CNTNAP2: variants seen among roughly 807,000 people sequenced by gnomAD.
CNTNAP2 encodes contactin associated protein 2, also known as contactin-associated protein-like 2.
Under a neutral mutation model 155.2 loss-of-function variants are expected in CNTNAP2, and 98 were observed. The ratio of observed to expected loss-of-function variants is 0.63; its 90% CI spans 0.54 to 0.75. The LOEUF is 0.75. Among genes scored for constraint, CNTNAP2 ranks in the 30% least tolerant of loss-of-function variants. CNTNAP2 has a pLI of 0.00. For synonymous variants in CNTNAP2, 651 were observed against 631.2 expected (o/e 1.03, Z -0.47); for missense variants, 1,727 against 1,688.1 (o/e 1.02, Z -0.40).
At position 147,971,727 on chromosome 7, in the gene CNTNAP2, C is replaced by A. The variant is rs375993418; in HGVS notation, c.2256-6135C>A. ...GCACTTGCGTGATTTCCACTTTGGG[C>A]CTCTTATGACTAAATCTGCTATAAA... On this transcript the variant is annotated intron_variant, in intron 14 of 23. Coordinates refer to ENST00000361727, the MANE Select transcript of CNTNAP2 (RefSeq NM_014141.6). Among the ~76,000 whole-genome samples, 7 of 152,272 alleles carry A rather than the reference C, an allele frequency of 4.6e-5. No homozygotes were observed. The South Asian group carries it at 1.2e-3, about 27-fold the overall frequency.
chr7:146,406,163 A>G (rs1795788776), intron 1 of CNTNAP2, among the ~76,000 whole-genome samples: 1 of 152,338 alleles, frequency 6.6e-6, no homozygotes, highest in Non-Finnish European at 1.5e-5. Flanking sequence ...GATATGCTTG[A>G]AAGTTCTCTC....
At chr7:147,409,654 G>C (rs1173789004) in intron 10 of CNTNAP2, among the ~76,000 whole-genome samples, 2 of 152,072 alleles carry the variant, frequency 1.3e-5, no homozygotes, top group African/African-American at 4.8e-5. Flanking sequence ...CTATGCATCT[G>C]ACAAAAGTCT....
chr7:148,314,197 A>G (rs1047054791), intron 21 of CNTNAP2, among the ~76,000 whole-genome samples: 3 of 152,108 alleles, frequency 2.0e-5, no homozygotes, highest in Non-Finnish European at 4.4e-5. Context: ...GGTTGGGACT[A>G]AGGGGACAGG....
intron 1 of CNTNAP2, among the ~76,000 whole-genome samples, chr7:146,292,655 G>A (rs1800450317): frequency 6.6e-6 from 1 of 152,158 alleles, no homozygotes; most frequent in South Asian, 2.1e-4. Context: ...TCAACATGTT[G>A]GAGAGATGTC....
chr7:146,952,604 A>C (rs1459141073), intron 3 of CNTNAP2, among the ~76,000 whole-genome samples: 1 of 152,160 alleles, frequency 6.6e-6, no homozygotes, highest in Non-Finnish European at 1.5e-5. Flanking sequence ...ATCAATGTGC[A>C]AAAATCACAA....
chr7:148,162,042 G>T (rs1439927529), intron 17 of CNTNAP2, among the ~76,000 whole-genome samples: 1 of 152,212 alleles, frequency 6.6e-6, no homozygotes, highest in Non-Finnish European at 1.5e-5. Flanking sequence ...TGAAGTCTGA[G>T]AGTGAAGAGA....
At chr7:147,860,105 G>A (rs1201731490) in intron 13 of CNTNAP2, among the ~76,000 whole-genome samples, 1 of 152,016 alleles carries the variant, frequency 6.6e-6, no homozygotes, top group Admixed American at 6.6e-5. Flanking sequence ...GATGGTGAGT[G>A]AGTTCTCACA....
rs558715906 is a variant in CNTNAP2 at position 147,978,856 on chromosome 7, C to G, written c.2383+867C>G. 3.1e-3 allele frequency among the ~76,000 whole-genome samples: 467 copies of G among 152,210 alleles called. 5 individuals carry two copies. Among genetic ancestry groups the G allele is most frequent in the Admixed American group, 9.2e-3 (140 of 15,296 alleles). On this transcript the variant is annotated intron_variant, in intron 15 of 23. Transcript: ENST00000361727. ...CCAAATAGCTGACTTGCCAGGAGACCTCAGGCAAACCCCTCCATTGTCTTA... is the reference window on the plus strand; with the variant it reads ...CCAAATAGCTGACTTGCCAGGAGACGTCAGGCAAACCCCTCCATTGTCTTA...
chr7:147,134,992 C>T (rs186060119), intron 8 of CNTNAP2, among the ~76,000 whole-genome samples: 1 of 152,014 alleles, frequency 6.6e-6, no homozygotes, highest in Admixed American at 6.6e-5. Context: ...CTCTCAGATA[C>T]TGTTAATATA....
chr7:148,259,162 A>G (rs1023448102), intron 20 of CNTNAP2, among the ~76,000 whole-genome samples: 1 of 143,402 alleles, frequency 7.0e-6, no homozygotes, highest in Non-Finnish European at 1.5e-5. Context: ...TTGGGCAACA[A>G]AAGCAAAACT....
intron 1 of CNTNAP2, among the ~76,000 whole-genome samples, chr7:146,354,049 C>T (rs1260347129): frequency 6.6e-6 from 1 of 152,158 alleles, no homozygotes; most frequent in South Asian, 2.1e-4. Flanking sequence ...ATTAGTAAGA[C>T]TTCTGCTTTA....
intron 1 of CNTNAP2, among the ~76,000 whole-genome samples, chr7:146,179,982 T>C (rs1798526958): frequency 6.6e-6 from 1 of 152,168 alleles, no homozygotes; most frequent in Non-Finnish European, 1.5e-5. Flanking sequence ...TATGTTACAC[T>C]TTCTCCGCCA....
chr7:147,957,983 A>G (rs1801049498), intron 14 of CNTNAP2, among the ~76,000 whole-genome samples: 1 of 152,042 alleles, frequency 6.6e-6, no homozygotes, highest in Admixed American at 6.6e-5. Context: ...GCTGAGATGG[A>G]AGGATTGCTT....
chr7:146,871,625 A>C (rs1795310068), intron 3 of CNTNAP2, among the ~76,000 whole-genome samples: 1 of 152,070 alleles, frequency 6.6e-6, no homozygotes, highest in Non-Finnish European at 1.5e-5. Context: ...AGTAAATTAC[A>C]AATAACAAAA....
intron 4 of CNTNAP2, among the ~76,000 whole-genome samples, chr7:147,098,920 T>C (rs1000265783): frequency 3.3e-5 from 5 of 152,218 alleles, no homozygotes; most frequent in Admixed American, 1.3e-4. Flanking sequence ...TATTACTTTA[T>C]TAAAATACAT....
At chr7:146,735,896 G>A (rs898263102) in intron 1 of CNTNAP2, among the ~76,000 whole-genome samples, 3 of 152,178 alleles carry the variant, frequency 2.0e-5, no homozygotes, top group Middle Eastern at 3.4e-3. Flanking sequence ...ATAGCTAGAA[G>A]AGAGGATTTC....
At chr7:147,144,480 A>C in intron 8 of CNTNAP2, among the ~76,000 whole-genome samples, 1 of 152,182 alleles carries the variant, frequency 6.6e-6, no homozygotes, top group East Asian at 1.9e-4. Context: ...ATAATGCAAT[A>C]TTCTATAGGG....
At chr7:146,763,149 TC>T (rs1802133680) in intron 1 of CNTNAP2, among the ~76,000 whole-genome samples, 1 of 152,142 alleles carries the variant, frequency 6.6e-6, no homozygotes. Flanking sequence ...CCACTTTCCG[TC>T]CTGTTTACCT....
intron 1 of CNTNAP2, among the ~76,000 whole-genome samples, chr7:146,732,249 T>C (rs1414674131): frequency 6.6e-6 from 1 of 152,200 alleles, no homozygotes; most frequent in Non-Finnish European, 1.5e-5. Context: ...TTTTTATTTA[T>C]AAAGCCGATG....
Sources: allele counts gnomAD v4.1 joint callset (sites outside exome capture counted in the v4.1 genomes callset), GRCh38; gene constraint gnomAD v4.1.1; transcripts MANE v1.5; gene names NCBI Gene and HGNC (gene_info 2026-07-23, HGNC 2026-07-21).